The following UTRN variants were observed in gnomAD, a reference collection of about 807,000 sequenced individuals.
The protein encoded by UTRN is utrophin, also known as dystrophin-related protein 1.
UTRN carries 283 observed loss-of-function variants against 463.9 expected under a neutral mutation model. That is an observed-to-expected ratio of 0.61 (90% CI 0.55 to 0.67). UTRN has a LOEUF of 0.67. Ranked by LOEUF, UTRN falls within the 30% of genes least tolerant of loss-of-function variation. The probability of loss-of-function intolerance (pLI) is 0.00; values close to 1 mark genes in which losing one functional copy is unlikely to be tolerated. For synonymous variants in UTRN, 1,442 were observed against 1,431.5 expected (o/e 1.01, Z -0.17); for missense variants, 3,922 against 4,084.3 (o/e 0.96, Z 1.08).
intron 52 of UTRN, among the ~76,000 whole-genome samples, chr6:144,698,857 A>C (rs1784279394): frequency 6.6e-6 from 1 of 152,214 alleles, no homozygotes; most frequent in South Asian, 2.1e-4. Flanking sequence ...AAGAATCTGA[A>C]GGTGCATTTC....
intron 73 of UTRN, among the ~76,000 whole-genome samples, chr6:144,846,567 A>C (rs1395514218): frequency 6.6e-6 from 1 of 152,246 alleles, no homozygotes; most frequent in Non-Finnish European, 1.5e-5. Flanking sequence ...TAGTGTATGC[A>C]CTAAATCTTA....
chr6:144,715,207 T>C (rs2128705716), intron 53 of UTRN, among the ~76,000 whole-genome samples: 1 of 152,320 alleles, frequency 6.6e-6, no homozygotes, highest in Middle Eastern at 3.4e-3. Flanking sequence ...GCATTTCAGT[T>C]GGTAGGAATA....
At chr6:144,773,356 A>G (rs868194106) in intron 59 of UTRN, among the ~76,000 whole-genome samples, 67 of 152,034 alleles carry the variant, frequency 4.4e-4, no homozygotes, top group African/African-American at 1.5e-3. Flanking sequence ...CTTTATTGGG[A>G]AAAAAAGGAA....
At chr6:144,391,237 AC>A (rs1280436401) in intron 2 of UTRN, among the ~76,000 whole-genome samples, 1 of 151,982 alleles carries the variant, frequency 6.6e-6, no homozygotes, top group Non-Finnish European at 1.5e-5. Context: ...ATACCCAGAC[AC>A]TTTTTTGATT....
chr6:144,366,897 C>T lies in UTRN; in HGVS notation c.80-36226C>T, dbSNP rs376942332. On this transcript the variant is annotated intron_variant, in intron 2 of 74. Transcript: ENST00000367545. ...TGTATGTGTTGCTTTTTCTCTGCCA[C>T]TTCGCCAGTGCCTATTATTTTTTGA... Among the ~76,000 whole-genome samples, 13 of 152,326 alleles carry T rather than the reference C, an allele frequency of 8.5e-5. No homozygotes were observed. The South Asian group carries it at 1.2e-3, about 15-fold the overall frequency.
chr6:144,353,537 C>T (rs1214575804), intron 2 of UTRN, among the ~76,000 whole-genome samples: 2 of 152,074 alleles, frequency 1.3e-5, no homozygotes, highest in Middle Eastern at 3.4e-3. Context: ...GGATAACAGG[C>T]GTGAGCCACT....
At chr6:144,658,984 C>T (rs1439326245) in intron 51 of UTRN, among the ~76,000 whole-genome samples, 2 of 152,042 alleles carry the variant, frequency 1.3e-5, no homozygotes, top group African/African-American at 4.8e-5. Context: ...AAGTAAATTC[C>T]CTATAAGAAA....
intron 63 of UTRN, 25 bp downstream of exon 63, chr6:144,794,016 G>A (rs754624168): frequency 5.6e-6 from 9 of 1,610,438 alleles, no homozygotes; most frequent in Non-Finnish European, 7.6e-6. Flanking sequence ...TCACTGGTGT[G>A]TAGGATGTGT....
chr6:144,584,117 T>C (rs1802235412), intron 51 of UTRN, among the ~76,000 whole-genome samples: 1 of 152,192 alleles, frequency 6.6e-6, no homozygotes, highest in Admixed American at 6.5e-5. Context: ...TATTCTTAAA[T>C]CTCCATATAT....
At chr6:144,815,002 A>G (rs932113016) in intron 65 of UTRN, among the ~76,000 whole-genome samples, 1 of 152,200 alleles carries the variant, frequency 6.6e-6, no homozygotes, top group Non-Finnish European at 1.5e-5. Context: ...TAACACTGAA[A>G]AGGCCTAAAA....
At chr6:144,654,104 G>C (rs1193296045) in intron 51 of UTRN, among the ~76,000 whole-genome samples, 1 of 152,192 alleles carries the variant, frequency 6.6e-6, no homozygotes, top group Non-Finnish European at 1.5e-5. Context: ...ATAGTTGTAA[G>C]TGTGAGTGGT....
At chr6:144,304,414 G>A (rs1399685186) in intron 2 of UTRN, among the ~76,000 whole-genome samples, 1 of 152,086 alleles carries the variant, frequency 6.6e-6, no homozygotes, top group Non-Finnish European at 1.5e-5. Flanking sequence ...AGTTCCAGTT[G>A]TCGACTGTCT....
intron 2 of UTRN, among the ~76,000 whole-genome samples, chr6:144,300,613 T>C (rs1345767939): frequency 6.6e-6 from 1 of 152,216 alleles, no homozygotes; most frequent in East Asian, 1.9e-4. Context: ...TCTTTGTATA[T>C]CATTGTGTGG....
intron 33 of UTRN, among the ~76,000 whole-genome samples, chr6:144,495,008 T>C (rs1343013236): frequency 5.9e-5 from 9 of 152,156 alleles, no homozygotes; most frequent in Admixed American, 4.6e-4. Context: ...AGAGTGCCGA[T>C]TGGTGTATTT....
chr6:144,841,015 G>GT, intron 73 of UTRN, among the ~76,000 whole-genome samples, 183 bp downstream of exon 73: 1 of 152,202 alleles, frequency 6.6e-6, no homozygotes, highest in Non-Finnish European at 1.5e-5. Flanking sequence ...ATACTATCAA[G>GT]TAACGGGGGT....
At position 144,699,102 on chromosome 6, in the gene UTRN, T is replaced by A. The variant is rs978250228; in HGVS notation, c.7653-985T>A. The stretch of plus-strand genomic sequence containing the variant: ...TTTTGGTTACAACAGAAGGAGTTTT[T>A]GGTTACAAGAGAAAGTAACACATCA... On this transcript the variant is annotated intron_variant, in intron 52 of 74. Coordinates refer to ENST00000367545, the MANE Select transcript of UTRN (RefSeq NM_007124.3). Among the ~76,000 whole-genome samples, 15 of 152,170 alleles carry A rather than the reference T, an allele frequency of 9.9e-5. 1 individual carries two copies. The highest frequency in any genetic ancestry group is 2.9e-5 in the Non-Finnish European group (2 of 68,026).
At chr6:144,614,376 G>T (rs750486286) in intron 51 of UTRN, among the ~76,000 whole-genome samples, 9 of 152,026 alleles carry the variant, frequency 5.9e-5, no homozygotes, top group Admixed American at 2.6e-4. Flanking sequence ...AAAAATACAG[G>T]AGTCCCAGGA....
intron 7 of UTRN, among the ~76,000 whole-genome samples, chr6:144,427,329 T>C (rs1208286337): frequency 6.6e-6 from 1 of 152,216 alleles, no homozygotes. Context: ...TGATTACTTT[T>C]CTCAAATTTC....
intron 53 of UTRN, among the ~76,000 whole-genome samples, chr6:144,717,972 A>G (rs1786693979): frequency 6.6e-6 from 1 of 151,964 alleles, no homozygotes; most frequent in African/African-American, 2.4e-5. Flanking sequence ...TCATAATTAA[A>G]TAATTTATCC....
Sources: allele counts gnomAD v4.1 joint callset (sites outside exome capture counted in the v4.1 genomes callset), GRCh38; gene constraint gnomAD v4.1.1; transcripts MANE v1.5; gene names NCBI Gene and HGNC (gene_info 2026-07-23, HGNC 2026-07-21).